ITGA8: variants seen among roughly 807,000 people sequenced by gnomAD.
ITGA8 encodes integrin subunit alpha 8.
In ITGA8, 91 loss-of-function variants were observed where a neutral mutation model predicts 142.3. The observed-to-expected ratio is 0.64, with a 90% CI of 0.54 to 0.76. The LOEUF (loss-of-function observed/expected upper bound fraction) is 0.76. ITGA8 is among the 30% of genes least tolerant of loss of function. The pLI is 0.00. For synonymous variants in ITGA8, 505 were observed against 485.2 expected (o/e 1.04, Z -0.54); for missense variants, 1,406 against 1,327.7 (o/e 1.06, Z -0.92).
intron 8 of ITGA8, among the ~76,000 whole-genome samples, chr10:15,669,576 T>C (rs974183631): frequency 6.6e-6 from 1 of 152,206 alleles, no homozygotes; most frequent in Non-Finnish European, 1.5e-5. Flanking sequence ...CTGCGTTCCT[T>C]TGGAGGAGGA....
intron 25 of ITGA8, among the ~76,000 whole-genome samples, chr10:15,562,980 C>A (rs1483072923): frequency 6.6e-6 from 1 of 152,190 alleles, no homozygotes; most frequent in Non-Finnish European, 1.5e-5. Flanking sequence ...TGGGCCATCC[C>A]ATTGGCGCTA....
At chr10:15,612,032 A>G (rs1313208143) in intron 15 of ITGA8, among the ~76,000 whole-genome samples, 1 of 152,154 alleles carries the variant, frequency 6.6e-6, no homozygotes, top group East Asian at 1.9e-4. Context: ...AGCAACTCTC[A>G]CAGTTCATTG....
At chr10:15,660,236 G>A (rs1477531004) in intron 9 of ITGA8, among the ~76,000 whole-genome samples, 3 of 152,166 alleles carry the variant, frequency 2.0e-5, no homozygotes, top group African/African-American at 7.2e-5. Context: ...AGGACCCTGT[G>A]CTTAGATGGG....
At chr10:15,559,376 C>T (rs1833936826) in intron 25 of ITGA8, among the ~76,000 whole-genome samples, 1 of 152,192 alleles carries the variant, frequency 6.6e-6, no homozygotes, top group Non-Finnish European at 1.5e-5. Flanking sequence ...TCCAGCTGTA[C>T]CTAAGCTGCC....
chr10:15,564,192 A>G (rs912597895), intron 25 of ITGA8, among the ~76,000 whole-genome samples: 2 of 152,246 alleles, frequency 1.3e-5, no homozygotes, highest in African/African-American at 4.8e-5. Context: ...ACCATAGTCA[A>G]AAGATCTCCA....
chr10:15,586,491 A>T (rs1588659942), intron 23 of ITGA8, 93 bp downstream of exon 23: 1 of 709,384 alleles, frequency 1.4e-6, no homozygotes, highest in East Asian at 2.6e-5. Flanking sequence ...GTGATCTCTA[A>T]TGCATCAGGA....
At chr10:15,572,514 C>G (rs1834204851) in intron 24 of ITGA8, 145 bp from the exon 25 acceptor site, 1 of 709,592 alleles carries the variant, frequency 1.4e-6, no homozygotes, top group Non-Finnish European at 2.2e-6. Flanking sequence ...TAAGAAAATT[C>G]AAAGTCGATA....
chr10:15,608,201 T>A (rs1270670281), intron 16 of ITGA8, 34 bp downstream of exon 16: 9 of 1,481,080 alleles, frequency 6.1e-6, no homozygotes, highest in Non-Finnish European at 8.4e-6. Context: ...TTTCTTAGTA[T>A]ACCATAAGAA....
intron 23 of ITGA8, among the ~76,000 whole-genome samples, chr10:15,581,871 A>G (rs1186377013): frequency 6.6e-6 from 1 of 152,202 alleles, no homozygotes; most frequent in African/African-American, 2.4e-5. Context: ...ATAATAATGG[A>G]TTTTCAACAA....
At chr10:15,614,021 T>C (rs9333150) in intron 14 of ITGA8, among the ~76,000 whole-genome samples, 62 of 152,304 alleles carry the variant, frequency 4.1e-4, no homozygotes, top group African/African-American at 1.4e-3. Context: ...TCAAGCAAAG[T>C]TGCGTACACA....
intron 13 of ITGA8, among the ~76,000 whole-genome samples, chr10:15,639,887 A>C (rs1317025535): frequency 6.6e-6 from 1 of 152,198 alleles, no homozygotes; most frequent in Non-Finnish European, 1.5e-5. Flanking sequence ...GGATGATGAG[A>C]TAGATTTCAG....
chr10:15,580,344 T>C (rs774448094), intron 23 of ITGA8, among the ~76,000 whole-genome samples: 5 of 152,072 alleles, frequency 3.3e-5, no homozygotes, highest in Admixed American at 6.6e-5. Context: ...ATAGATATTA[T>C]AAATAGCCTT....
chr10:15,527,550 G>A (rs1305984856), intron 28 of ITGA8, among the ~76,000 whole-genome samples: 7 of 152,046 alleles, frequency 4.6e-5, no homozygotes, highest in Non-Finnish European at 7.4e-5. Flanking sequence ...ATATTTCTTC[G>A]AATCATGCAA....
At chr10:15,519,145 C>G in intron 29 of ITGA8, 145 bp downstream of exon 29, 1 of 846,340 alleles carries the variant, frequency 1.2e-6, no homozygotes, top group Non-Finnish European at 1.8e-6. Context: ...GCAAACAAGA[C>G]ACGATTTTCC....
chr10:15,613,924 C>A (rs1056636890), intron 14 of ITGA8, among the ~76,000 whole-genome samples, 157 bp from the exon 15 acceptor site: 5 of 152,210 alleles, frequency 3.3e-5, no homozygotes, highest in Admixed American at 6.5e-5. Context: ...TTGCTCACTG[C>A]ATGAACAGCT....
intron 25 of ITGA8, among the ~76,000 whole-genome samples, chr10:15,562,872 T>C (rs1474196507): frequency 1.3e-5 from 2 of 152,014 alleles, no homozygotes; most frequent in East Asian, 3.9e-4. Flanking sequence ...TGGATATTTG[T>C]CCTCCCAAAT....
chr10:15,560,104 G>C (rs1316500180), intron 25 of ITGA8, among the ~76,000 whole-genome samples: 4 of 151,972 alleles, frequency 2.6e-5, no homozygotes, highest in Non-Finnish European at 2.9e-5. Flanking sequence ...GCAACATAGT[G>C]ATACCTCATT....
At chr10:15,535,885 G>T (rs192709518) in intron 27 of ITGA8, among the ~76,000 whole-genome samples, 4 of 152,084 alleles carry the variant, frequency 2.6e-5, no homozygotes, top group Non-Finnish European at 5.9e-5. Flanking sequence ...TTTATGAGCT[G>T]TAACACTCAC....
At chr10:15,696,914 T>C (rs919822385) in intron 2 of ITGA8, among the ~76,000 whole-genome samples, 1 of 140,274 alleles carries the variant, frequency 7.1e-6, no homozygotes, top group African/African-American at 2.7e-5. Context: ...ATGCCTGAGG[T>C]GGGAGGATCA....
Sources: allele counts gnomAD v4.1 joint callset (sites outside exome capture counted in the v4.1 genomes callset), GRCh38; gene constraint gnomAD v4.1.1; transcripts MANE v1.5; gene names NCBI Gene and HGNC (gene_info 2026-07-23, HGNC 2026-07-21).